SLC25A26: variants seen among roughly 807,000 people sequenced by gnomAD.
The protein encoded by SLC25A26 is mitochondrial S-adenosylmethionine carrier protein.
Under a neutral mutation model 37.8 loss-of-function variants are expected in SLC25A26, and 36 were observed. The observed-to-expected ratio is 0.95, with a 90% CI of 0.73 to 1.26. The LOEUF (loss-of-function observed/expected upper bound fraction) is 1.26, where lower values mean the gene tolerates loss of function less well. Ranked by LOEUF, SLC25A26 falls within the 50% of genes most tolerant of loss-of-function variation. The pLI, the probability that SLC25A26 is intolerant of heterozygous loss-of-function variation, is 0.00. For missense variants in SLC25A26, 390 were observed against 331.1 expected, an observed-to-expected ratio of 1.18 and a Z score of -1.38; for synonymous variants, 129 against 122.5, an observed-to-expected ratio of 1.05 and a Z score of -0.35.
intron 5 of SLC25A26, among the ~76,000 whole-genome samples, chr3:66,272,394 T>C (rs998173744): frequency 1.6e-4 from 24 of 152,174 alleles, no homozygotes; most frequent in Non-Finnish European, 2.6e-4. Context: ...TTTATATCTG[T>C]AGTCTTTAAG....
chr3:66,230,323 A>G (rs2071952967), intron 1 of SLC25A26, among the ~76,000 whole-genome samples: 1 of 152,212 alleles, frequency 6.6e-6, no homozygotes, highest in Non-Finnish European at 1.5e-5. Context: ...ATTATATACT[A>G]GAGTCAAGGA....
At chr3:66,291,780 A>T (rs2074718653) in intron 5 of SLC25A26, among the ~76,000 whole-genome samples, 1 of 152,130 alleles carries the variant, frequency 6.6e-6, no homozygotes, top group Non-Finnish European at 1.5e-5. Flanking sequence ...TATTCTTTTG[A>T]TTTGGGGTGG....
chr3:66,354,586 G>C (rs2076533517), intron 6 of SLC25A26, among the ~76,000 whole-genome samples: 1 of 152,092 alleles, frequency 6.6e-6, no homozygotes, highest in Non-Finnish European at 1.5e-5. Flanking sequence ...TGTTTTAATA[G>C]TAGTTAAAAT....
intron 1 of SLC25A26, among the ~76,000 whole-genome samples, chr3:66,140,237 T>C (rs1448736832): frequency 6.6e-6 from 1 of 152,194 alleles, no homozygotes; most frequent in Non-Finnish European, 1.5e-5. Flanking sequence ...GAATTACATC[T>C]CTTGACCAAT....
intron 5 of SLC25A26, among the ~76,000 whole-genome samples, chr3:66,266,917 T>C (rs969632790): frequency 6.6e-6 from 1 of 152,156 alleles, no homozygotes; most frequent in African/African-American, 2.4e-5. Flanking sequence ...GAAGGACTTT[T>C]TATAGAGGAA....
At chr3:66,152,548 G>A (rs568985824) in intron 1 of SLC25A26, among the ~76,000 whole-genome samples, 29 of 152,086 alleles carry the variant, frequency 1.9e-4, no homozygotes, top group Non-Finnish European at 3.8e-4. Flanking sequence ...CTTCCTTGAT[G>A]GTGGCAAAAT....
At chr3:66,369,077 C>CCA (rs1700201163) in intron 7 of SLC25A26, among the ~76,000 whole-genome samples, 1 of 144,746 alleles carries the variant, frequency 6.9e-6, no homozygotes, top group African/African-American at 2.7e-5. Context: ...AGACAGTGGC[C>CCA]TATAGAAAGT....
chr3:66,306,507 A>G (rs1176079038), intron 5 of SLC25A26, among the ~76,000 whole-genome samples: 1 of 151,164 alleles, frequency 6.6e-6, no homozygotes, highest in Non-Finnish European at 1.5e-5. Context: ...CTTTTTTAAT[A>G]CTTTAAGTTC....
chr3:66,144,908 C>T lies in SLC25A26; in HGVS notation c.-354+10924C>T, dbSNP rs116560365. On this transcript the variant is annotated intron_variant, in intron 1 of 10. Transcript: ENST00000676754. ...ACAAGAACTGCATAGGTGAAAGAGT[C>T]AGATGTCTGGCTGACCTAGCAGTTC... Among the ~76,000 whole-genome samples, 491 of 152,260 alleles carry T rather than the reference C, an allele frequency of 3.2e-3. 4 individuals are homozygous for T. Among genetic ancestry groups the T allele is most frequent in the African/African-American group, 0.011 (470 of 41,568 alleles).
At position 66,243,266 on chromosome 3, in the gene SLC25A26, A is replaced by G. The variant is rs1024981722; in HGVS notation, c.254A>G (p.Tyr85Cys). The G allele has an allele frequency of 1.2e-6, 2 of 1,609,778 alleles. No individual in the cohort carries two copies. Among genetic ancestry groups the G allele is most frequent in the Non-Finnish European group, 1.7e-6 (2 of 1,177,312 alleles). The change falls in exon 3 of 10, where the codon TAT (tyrosine) becomes TGT (cysteine). Residue 85 changes from tyrosine (Y) to cysteine (C), a missense_variant. Transcript: ENST00000354883. ...TTTTTGCATGCTGATTCATCTTCAT[A>G]TTTGACACCTATGAAACATATGTTG... ...KWFLHADSSSYLTPMKHMLAA... is the reference protein window; with the variant it reads ...KWFLHADSSSCLTPMKHMLAA...
rs1026571735 is a variant in SLC25A26, at chr3:66,210,182, C to T, written c.-353-10560C>T. 1.2e-3 allele frequency among the ~76,000 whole-genome samples: 175 copies of T among 151,256 alleles called. 3 individuals are homozygous for T. The highest frequency in any genetic ancestry group is 8.8e-3 in the Admixed American group (133 of 15,084). Reference sequence around the variant, plus strand: ...TATGATGTATCTGGGACTGAGTATTCGGTGGCAAACTTGATAGACATTGTC... The same window carrying T: ...TATGATGTATCTGGGACTGAGTATTTGGTGGCAAACTTGATAGACATTGTC... On this transcript the variant is annotated intron_variant, in intron 1 of 10. Transcript: ENST00000676754.
chr3:66,348,236 G>T (rs1475924413), intron 6 of SLC25A26, among the ~76,000 whole-genome samples: 1 of 152,178 alleles, frequency 6.6e-6, no homozygotes, highest in East Asian at 1.9e-4. Flanking sequence ...ACTGAAAACT[G>T]TGGGCCATGA....
intron 1 of SLC25A26, among the ~76,000 whole-genome samples, chr3:66,206,386 T>C (rs2071177417): frequency 6.6e-6 from 1 of 152,180 alleles, no homozygotes; most frequent in African/African-American, 2.4e-5. Flanking sequence ...GATTAGCCAG[T>C]TGTGCACCAT....
At chr3:66,156,546 C>T (rs1369946436) in intron 1 of SLC25A26, among the ~76,000 whole-genome samples, 1 of 152,128 alleles carries the variant, frequency 6.6e-6, no homozygotes, top group African/African-American at 2.4e-5. Flanking sequence ...AGATTTGGTT[C>T]TTCTGCTTAT....
intron 1 of SLC25A26, among the ~76,000 whole-genome samples, chr3:66,224,459 A>G (rs2071644689): frequency 6.6e-6 from 1 of 152,204 alleles, no homozygotes; most frequent in African/African-American, 2.4e-5. Context: ...CTTACTCACT[A>G]TTACCAGAAG....
intron 1 of SLC25A26, among the ~76,000 whole-genome samples, chr3:66,169,006 T>C (rs1042698995): frequency 6.6e-6 from 1 of 152,140 alleles, no homozygotes; most frequent in African/African-American, 2.4e-5. Flanking sequence ...GTGCCTGTAG[T>C]CCCAACTACT....
chr3:66,268,620 A>G (rs562157070), intron 5 of SLC25A26, among the ~76,000 whole-genome samples: 4 of 152,324 alleles, frequency 2.6e-5, no homozygotes, highest in South Asian at 2.1e-4. Flanking sequence ...TGCTCAGGAA[A>G]TGTTAACTAG....
chr3:66,275,401 A>G (rs1031315690), intron 5 of SLC25A26, among the ~76,000 whole-genome samples: 10 of 151,498 alleles, frequency 6.6e-5, no homozygotes, highest in African/African-American at 2.4e-4. Context: ...AAAGTATAAT[A>G]ATAGTAAAAA....
intron 1 of SLC25A26, among the ~76,000 whole-genome samples, chr3:66,215,096 G>A (rs1458158475): frequency 6.6e-6 from 1 of 152,204 alleles, no homozygotes; most frequent in African/African-American, 2.4e-5. Flanking sequence ...CTACATTCCC[G>A]CCTGGGTGAG....
Sources: gnomAD v4.1 joint callset for allele counts (sites outside exome capture counted in the v4.1 genomes callset) on GRCh38, gnomAD v4.1.1 for gene constraint, MANE v1.5 for transcripts, NCBI Gene and HGNC (gene_info 2026-07-23, HGNC 2026-07-21) for gene names.